The following WNK1 variants were observed in gnomAD, a reference collection of about 807,000 sequenced individuals.
The protein encoded by WNK1 is WNK lysine deficient protein kinase 1.
A neutral mutation model predicts 222.8 loss-of-function variants in WNK1; 38 were observed. That is an observed-to-expected ratio of 0.17 (90% CI 0.13 to 0.22). The LOEUF is 0.22. Ranked by LOEUF, WNK1 falls within the 10% of genes least tolerant of loss-of-function variation. WNK1 has a pLI of 1.00. For synonymous variants in WNK1, 1,090 were observed against 1,092.9 expected, an observed-to-expected ratio of 1.00 and a Z score of 0.05; for missense variants, 2,348 against 2,918.4, an observed-to-expected ratio of 0.80 and a Z score of 4.50.
At chr12:868,136 A>G in intron 8 of WNK1, 1 of 1,614,034 alleles carries the variant, frequency 6.2e-7, no homozygotes, top group Non-Finnish European at 8.5e-7. Context: ...TATGTTGGGT[A>G]CTACAGCCAG....
At chr12:804,436 G>A (rs1190892862) in intron 1 of WNK1, among the ~76,000 whole-genome samples, 35 of 143,972 alleles carry the variant, frequency 2.4e-4, no homozygotes, top group African/African-American at 8.3e-4. Context: ...TTTTTGGCGC[G>A]ATCTCAGCTC....
chr12:841,271 C>T (rs180745334), intron 4 of WNK1, among the ~76,000 whole-genome samples: 1 of 152,270 alleles, frequency 6.6e-6, no homozygotes, highest in East Asian at 1.9e-4. Context: ...ATTCTCCTCT[C>T]CAACCCATCC....
chr12:887,713 A>T (rs1257668286), intron 20 of WNK1, among the ~76,000 whole-genome samples: 5 of 152,218 alleles, frequency 3.3e-5, no homozygotes. Flanking sequence ...TTTTTCCGCG[A>T]GTCCAGAGCA....
Position 880,832 on chromosome 12 carries a change from A to T in WNK1, c.2944A>T (p.Thr982Ser), listed in dbSNP as rs1388117854. Residue 982 changes from threonine (T) to serine (S), a missense_variant, in exon 12 of 28, where the codon ACA (threonine) becomes TCA (serine). This residue lies in a region of WNK1 where 547 missense variants were observed against 558.3 expected (regional missense o/e 0.98). Transcript: ENST00000315939. Reference sequence around the variant, plus strand: ...TACAGTCCTATCCCCTCCCATGCCGACAGAAGTACTGGCTACACCTGGGTA... The same window carrying T: ...TACAGTCCTATCCCCTCCCATGCCGTCAGAAGTACTGGCTACACCTGGGTA... ...HSTVLSPPMP[T>S]EVLATPGYFP... is the part of the protein sequence containing the mutation. The T allele has an allele frequency of 2.5e-6, 4 of 1,613,790 alleles. No individual in the cohort carries two copies. The highest frequency in any genetic ancestry group is 3.4e-6 in the Non-Finnish European group (4 of 1,179,994).
rs530979486 is a variant in WNK1, at chr12:832,078, T to C, written c.1311+1918T>C. Among the ~76,000 whole-genome samples the C allele has an allele frequency of 1.2e-4, 18 of 152,168 alleles. No homozygotes were observed. In the South Asian group the frequency reaches 3.5e-3, roughly 30 times the overall value. ...AAATGTTTATTTTTAATTTTTTATTTATTTATTTATTTTTTGAGACGGCGT... is the reference window on the plus strand; with the variant it reads ...AAATGTTTATTTTTAATTTTTTATTCATTTATTTATTTTTTGAGACGGCGT... On this transcript the variant is annotated intron_variant, in intron 4 of 27. Coordinates refer to ENST00000315939, the MANE Select transcript of WNK1 (RefSeq NM_018979.4).
intron 4 of WNK1, among the ~76,000 whole-genome samples, chr12:855,973 G>A (rs1325636136): frequency 1.3e-5 from 2 of 151,854 alleles, no homozygotes; most frequent in African/African-American, 2.4e-5. Flanking sequence ...CCGAGTAGCT[G>A]GGACTACAGG....
chr12:804,152 T>C (rs1946133561), intron 1 of WNK1, among the ~76,000 whole-genome samples: 1 of 152,242 alleles, frequency 6.6e-6, no homozygotes, highest in South Asian at 2.1e-4. Flanking sequence ...GCTCTCAGTG[T>C]ACTTCTCCCT....
At chr12:876,765 T>C (rs1005939034) in intron 9 of WNK1, among the ~76,000 whole-genome samples, 9 of 152,146 alleles carry the variant, frequency 5.9e-5, no homozygotes, top group Admixed American at 1.3e-4. Flanking sequence ...GAAATTAAAG[T>C]AGTATGCTAT....
At position 882,416 on chromosome 12, in the gene WNK1, T is replaced by C. The variant is rs1011558442; in HGVS notation, c.3372+343T>C. Among the ~76,000 whole-genome samples, 7 of 152,000 alleles carry C rather than the reference T, an allele frequency of 4.6e-5. No individual in the cohort carries two copies. The East Asian group carries it at 5.8e-4, about 13-fold the overall frequency. ...GTTTCACCATATTGGTCAGGCTGGT[T>C]TCAAACTCCTGACCTCAGGTGACTC... On this transcript the variant is annotated intron_variant, in intron 14 of 27. Transcript: ENST00000315939.
intron 1 of WNK1, among the ~76,000 whole-genome samples, chr12:772,755 A>C (rs1422033501): frequency 6.6e-6 from 1 of 152,210 alleles, no homozygotes; most frequent in African/African-American, 2.4e-5. Flanking sequence ...ATTGCTCTGA[A>C]CAGAAGTTTA....
intron 9 of WNK1, 112 bp downstream of exon 9, chr12:871,460 G>A (rs1275101055): frequency 4.1e-6 from 4 of 982,550 alleles, no homozygotes; most frequent in Non-Finnish European, 6.4e-6. Context: ...GGAAAATTAA[G>A]AGGCATACCA....
chr12:761,126 A>G lies in WNK1; in HGVS notation c.759+6802A>G, dbSNP rs576933256. 7.5e-5 allele frequency among the ~76,000 whole-genome samples: 11 copies of G among 147,398 alleles called. 2 individuals carry two copies. The highest frequency in any genetic ancestry group is 1.5e-4 in the Non-Finnish European group (10 of 65,970). ...AAGATTGGTTATTTGTGATTTTTAC[A>G]TAAGAGGAAAAGCATCAGTAAGCTG... is the stretch of plus-strand genomic sequence containing the variant. On this transcript the variant is annotated intron_variant, in intron 1 of 27. Transcript: ENST00000315939.
intron 1 of WNK1, among the ~76,000 whole-genome samples, chr12:774,831 T>C (rs1942923880): frequency 6.6e-6 from 1 of 152,196 alleles, no homozygotes; most frequent in South Asian, 2.1e-4. Flanking sequence ...TTTCCTCTTT[T>C]GTCTTTTGTT....
chr12:862,159 A>C lies in WNK1; in HGVS notation c.2028A>C (p.Ser676=). The C allele has an allele frequency of 6.2e-7, 1 of 1,614,082 alleles. No individual in the cohort carries two copies. The highest frequency in any genetic ancestry group is 8.5e-7 in the Non-Finnish European group (1 of 1,179,988). The stretch of plus-strand genomic sequence containing the variant: ...GAGTGAGCAGCCAACAGACAGTTTC[A>C]TATGGTTCCCAACATGAACAGGCAC... ...ESRVSSQQTV[S]YGSQHEQAHS... is the part of the protein sequence containing the mutation. The change falls in exon 8 of 28, where the codon TCA becomes TCC. Residue 676 remains serine, a synonymous_variant. Coordinates refer to ENST00000315939, the MANE Select transcript of WNK1 (RefSeq NM_018979.4).
At chr12:802,218 A>G (rs192906536) in intron 1 of WNK1, among the ~76,000 whole-genome samples, 2 of 152,320 alleles carry the variant, frequency 1.3e-5, no homozygotes, top group Non-Finnish European at 2.9e-5. Context: ...ACTAACAGCA[A>G]TACTAATTAG....
intron 1 of WNK1, among the ~76,000 whole-genome samples, chr12:794,723 A>G (rs1462071231): frequency 6.6e-6 from 1 of 151,998 alleles, no homozygotes; most frequent in African/African-American, 2.4e-5. Context: ...TTGTGTTTGT[A>G]TTAATAAGGA....
In WNK1 at chr12:885,223, T is replaced by C. The variant is rs748413965; in HGVS notation, c.4419T>C (p.Ala1473=). The C allele has an allele frequency of 2.5e-6, 4 of 1,614,194 alleles. No individual in the cohort carries two copies. In the South Asian group the frequency reaches 4.4e-5, roughly 18 times the overall value. ...CTACCCCAGGTCCTAAGCCTCCAGC[T>C]GTAGTATCTCAGCAGGCAGCAGGCA... ...STATPGPKPP[A]VVSQQAAGST... The change falls in exon 19 of 28, where the codon GCT becomes GCC. Residue 1473 remains alanine, a synonymous_variant. Transcript: ENST00000315939.
At chr12:880,634 CTTTT>C in intron 11 of WNK1, 83 bp from the exon 12 acceptor site, 82 of 1,197,950 alleles carry the variant, frequency 6.8e-5, no homozygotes, top group Non-Finnish European at 8.0e-5. Context: ...CTGTGTGCTT[CTTTT>C]TTTTTTTTTT....
At chr12:906,564 A>C (rs1163320102) in intron 26 of WNK1, 1 of 985,250 alleles carries the variant, frequency 1.0e-6, no homozygotes, top group Non-Finnish European at 1.2e-6. Context: ...GTCTTCCTGA[A>C]GTTGAAAGAT....
Sources: gnomAD v4.1 joint callset for allele counts (sites outside exome capture counted in the v4.1 genomes callset) on GRCh38, gnomAD v4.1.1 for gene constraint, gnomAD v4.1.1 regional missense constraint, MANE v1.5 for transcripts, NCBI Gene and HGNC (gene_info 2026-07-23, HGNC 2026-07-21) for gene names.